TRPM1: variants seen among roughly 807,000 people sequenced by gnomAD.
TRPM1 encodes the protein TRPM1-203 APA Isoform, Intron 10.
In TRPM1, 113 loss-of-function variants were observed where a neutral mutation model predicts 149.4. The observed-to-expected ratio is 0.76, with a 90% CI of 0.65 to 0.88. The LOEUF is 0.88. TRPM1 is among the 40% of genes least tolerant of loss of function. TRPM1 has a pLI of 0.00. For synonymous variants in TRPM1, 741 were observed against 759.5 expected, an observed-to-expected ratio of 0.98 and a Z score of 0.40; for missense variants, 1,976 against 2,038.7, an observed-to-expected ratio of 0.97 and a Z score of 0.59.
Position 31,070,185 on chromosome 15 carries a change from A to T in TRPM1, c.125T>A (p.Leu42Gln), listed in dbSNP as rs1240199627. 2 of 1,614,038 alleles carry T rather than the reference A, an allele frequency of 1.2e-6. No individual in the cohort carries two copies. The highest frequency in any genetic ancestry group is 2.2e-5 in the South Asian group (2 of 91,068). The change falls in exon 4 of 28, where the codon CTG (leucine) becomes CAG (glutamine). Residue 42 changes from leucine to glutamine, a missense_variant. By Grantham distance (113) the Leu-to-Gln change is moderately radical. This residue lies in a region of TRPM1 where 1,332 missense variants were observed against 1,347.1 expected (regional missense o/e 0.99). Coordinates refer to ENST00000256552, the MANE Select transcript of TRPM1 (RefSeq NM_001252024.2). ...GQFTNQHIPP[L>Q]PSATPSKNEE... ...ATTTTTGCTGGGTGTTGCACTTGGC[A>T]GAGGGGGGATATGCTGGTTGGTGAA...
chr15:31,131,082 T>C (rs2036009932), intron 1 of TRPM1, among the ~76,000 whole-genome samples: 2 of 152,186 alleles, frequency 1.3e-5, no homozygotes, highest in African/African-American at 2.4e-5. Context: ...CAGGGTCAAA[T>C]AGAAAACTCC....
At chr15:31,119,384 A>G (rs919767978) in intron 1 of TRPM1, among the ~76,000 whole-genome samples, 4 of 152,184 alleles carry the variant, frequency 2.6e-5, no homozygotes, top group African/African-American at 9.6e-5. Flanking sequence ...GAAACAAACC[A>G]ACAACCTAGA....
At chr15:31,016,118 C>T (rs192329829) in intron 27 of TRPM1, among the ~76,000 whole-genome samples, 35 of 152,196 alleles carry the variant, frequency 2.3e-4, no homozygotes, top group Middle Eastern at 3.4e-3. Context: ...TGCATGTAAA[C>T]GTACGTTACT....
chr15:31,115,933 CT>C lies in TRPM1; in HGVS notation c.55-38950del, dbSNP rs370937287. 1.1e-4 allele frequency among the ~76,000 whole-genome samples: 17 copies of C among 152,046 alleles called. No individual in the cohort carries two copies. In the South Asian group the frequency reaches 3.5e-3, roughly 32 times the overall value. ...AGAGCTTGTGTCTTCATAGACACAC[CT>C]TTCAGCTATGTCCTCACATGGTGGA... On this transcript the variant is annotated intron_variant, in intron 1 of 26. Transcript: ENST00000542188.
chr15:31,096,562 G>C (rs2035390024), intron 1 of TRPM1, among the ~76,000 whole-genome samples: 1 of 152,214 alleles, frequency 6.6e-6, no homozygotes, highest in African/African-American at 2.4e-5. Context: ...AAGCACAGCA[G>C]TTGGGAAGGT....
chr15:31,024,796 A>G (rs1408075065), intron 27 of TRPM1, among the ~76,000 whole-genome samples: 1 of 152,260 alleles, frequency 6.6e-6, no homozygotes, highest in Non-Finnish European at 1.5e-5. Context: ...TCTCATGAAG[A>G]AATAATTTTT....
At chr15:31,057,794 G>A (rs1232311393) in intron 11 of TRPM1, among the ~76,000 whole-genome samples, 1 of 152,224 alleles carries the variant, frequency 6.6e-6, no homozygotes, top group Non-Finnish European at 1.5e-5. Context: ...GGGGCCTGAT[G>A]TGAAGTGATT....
chr15:31,087,468 A>G (rs1419582214), intron 1 of TRPM1, among the ~76,000 whole-genome samples: 1 of 151,578 alleles, frequency 6.6e-6, no homozygotes, highest in Non-Finnish European at 1.5e-5. Context: ...GTTAGCCAGG[A>G]TGGTCTCAAT....
At position 31,028,723 on chromosome 15, in the gene TRPM1, G is replaced by T. The variant is rs564223255; in HGVS notation, c.3149-247C>A. On this transcript the variant is annotated intron_variant, in intron 24 of 27. Coordinates refer to ENST00000256552, the MANE Select transcript of TRPM1 (RefSeq NM_001252024.2). ...GCCGAGATCGAGCCACTGTACTCCA[G>T]CCTGGGTGACTGAGCGAGACTCCCA... is the stretch of plus-strand genomic sequence containing the variant. Among the ~76,000 whole-genome samples the T allele has an allele frequency of 5.1e-3, 771 of 151,878 alleles. 3 individuals are homozygous for T. The highest frequency in any genetic ancestry group is 8.1e-3 in the Non-Finnish European group (547 of 67,940).
chr15:31,035,814 A>C (rs2033342306), intron 20 of TRPM1, 140 bp from the exon 21 acceptor site: 4 of 1,208,418 alleles, frequency 3.3e-6, no homozygotes, highest in Non-Finnish European at 4.8e-6. Context: ...GGAAACCTTC[A>C]CTGCACCTCA....
chr15:31,131,270 CCAACG>C (rs1168299743), intron 1 of TRPM1, among the ~76,000 whole-genome samples: 2 of 152,014 alleles, frequency 1.3e-5, no homozygotes, highest in African/African-American at 4.8e-5. Context: ...AATCACAGCC[CCAACG>C]CGCAAAAGTA....
At chr15:31,054,999 T>A (rs966881836) in intron 11 of TRPM1, among the ~76,000 whole-genome samples, 54 of 152,304 alleles carry the variant, frequency 3.5e-4, no homozygotes, top group African/African-American at 1.3e-3. Flanking sequence ...TTGCATTCAA[T>A]AACAGAAAAT....
chr15:31,115,251 C>CT (rs2035783490), intron 1 of TRPM1, among the ~76,000 whole-genome samples: 1 of 152,000 alleles, frequency 6.6e-6, no homozygotes, highest in Non-Finnish European at 1.5e-5. Context: ...GAGCAAGACT[C>CT]TGTCTAAAAA....
intron 1 of TRPM1, among the ~76,000 whole-genome samples, chr15:31,120,229 T>C (rs1422151501): frequency 6.6e-6 from 1 of 152,076 alleles, no homozygotes; most frequent in Non-Finnish European, 1.5e-5. Flanking sequence ...TACCATGCTA[T>C]AATTAGTCAA....
chr15:31,073,681 A>G (rs146361462), intron 3 of TRPM1, among the ~76,000 whole-genome samples: 95 of 152,084 alleles, frequency 6.2e-4, no homozygotes, highest in African/African-American at 2.2e-3. Flanking sequence ...TTCCAATCTC[A>G]ATATTTTTTC....
At chr15:31,075,596 A>G (rs28427283) in intron 3 of TRPM1, among the ~76,000 whole-genome samples, 33,072 of 152,162 alleles carry the variant, frequency 0.22, 3,939 homozygotes, top group Admixed American at 0.31. Context: ...ACAGGTGGTA[A>G]GGGACAGGAT....
chr15:31,149,271 T>C (rs947603125), intron 1 of TRPM1, among the ~76,000 whole-genome samples: 4 of 152,122 alleles, frequency 2.6e-5, no homozygotes, highest in Non-Finnish European at 5.9e-5. Context: ...CCCTGGTCTC[T>C]GAGGAGCCAC....
chr15:31,074,910 C>A (rs545536364), intron 3 of TRPM1, among the ~76,000 whole-genome samples: 2 of 152,118 alleles, frequency 1.3e-5, no homozygotes, highest in East Asian at 3.9e-4. Context: ...TCTAATTAAC[C>A]TTCTGACATT....
rs1227180478 is a variant in TRPM1 at position 31,066,222 on chromosome 15, G to A, written c.644C>T (p.Ser215Phe). The change falls in exon 7 of 28, where the codon TCC becomes TTC. Residue 215 changes from serine (S) to phenylalanine (F), a missense_variant. Transcript: ENST00000256552. ...KDVTRVYQTM[S>F]NPLSKLSVLN... ...CACAGAGAGCTTACTTAGAGGGTTG[G>A]ACATGGTCTGGTACACTCTTGTTAC... 1 of 1,614,184 alleles carries A rather than the reference G, an allele frequency of 6.2e-7. No homozygotes were observed. The highest frequency in any genetic ancestry group is 8.5e-7 in the Non-Finnish European group (1 of 1,180,036).
Sources: gnomAD v4.1 joint callset for allele counts (sites outside exome capture counted in the v4.1 genomes callset) on GRCh38, gnomAD v4.1.1 for gene constraint, gnomAD v4.1.1 regional missense constraint, MANE v1.5 for transcripts, NCBI Gene and HGNC (gene_info 2026-07-23, HGNC 2026-07-21) for gene names.